PPM1L: variants seen among roughly 807,000 people sequenced by gnomAD.
The protein encoded by PPM1L is protein phosphatase 1L.
In PPM1L, 13 loss-of-function variants were observed where a neutral mutation model predicts 31.4. The observed-to-expected ratio is 0.41, with a 90% CI of 0.27 to 0.66. The LOEUF (loss-of-function observed/expected upper bound fraction) is 0.66, where lower values mean the gene tolerates loss of function less well. Among genes scored for constraint, PPM1L ranks in the 30% least tolerant of loss-of-function variants. The pLI is 0.29. For synonymous variants in PPM1L, 184 were observed against 175.4 expected, an observed-to-expected ratio of 1.05 and a Z score of -0.39; for missense variants, 326 against 453.7, an observed-to-expected ratio of 0.72 and a Z score of 2.56.
chr3:160,826,555 T>C (rs918350298), intron 1 of PPM1L, among the ~76,000 whole-genome samples: 2 of 152,186 alleles, frequency 1.3e-5, no homozygotes, highest in Non-Finnish European at 2.9e-5. Flanking sequence ...AGAATCTTTA[T>C]TCAAAGTCCA....
rs991448997 is a variant in PPM1L at position 161,070,942 on chromosome 3, C to CT, written c.*1789dup. ...AATGATTTCCCATGAGATTTGCTTA[C>CT]TTTTGTATACTGTATTTTCCAGCAT... On this transcript the variant is annotated 3_prime_UTR_variant, in exon 4 of 4. Transcript: ENST00000498165. 3 of 152,178 alleles carry CT rather than the reference C, an allele frequency of 2.0e-5. No individual in the cohort carries two copies. The highest frequency in any genetic ancestry group is 4.4e-5 in the Non-Finnish European group (3 of 68,030). 9.4% of individuals were successfully genotyped at this position (152,178 alleles called of 1,614,324 possible).
In PPM1L at chr3:160,899,724, G is replaced by A. The variant is rs552745662; in HGVS notation, c.400-62012G>A. ...GTTATTTTTATTTGTACTGCCTTTG[G>A]GTTGGAGAAAATAACTGAGTCATTA... is the stretch of plus-strand genomic sequence containing the variant. On this transcript the variant is annotated intron_variant, in intron 1 of 3. Coordinates refer to ENST00000498165, the MANE Select transcript of PPM1L (RefSeq NM_139245.4). 2.6e-5 allele frequency among the ~76,000 whole-genome samples: 4 copies of A among 152,168 alleles called. No individual in the cohort carries two copies. The East Asian group carries it at 7.7e-4, about 29-fold the overall frequency.
chr3:161,006,831 C>T (rs570533528), intron 2 of PPM1L, among the ~76,000 whole-genome samples: 46 of 151,588 alleles, frequency 3.0e-4, no homozygotes, highest in African/African-American at 1.0e-3. Context: ...CACAGGCACC[C>T]GCCACCACGC....
intron 2 of PPM1L, among the ~76,000 whole-genome samples, chr3:161,053,231 A>G (rs1719325326): frequency 6.6e-6 from 1 of 152,238 alleles, no homozygotes; most frequent in South Asian, 2.1e-4. Context: ...GTAGCATTGT[A>G]TAATCTGAAA....
At chr3:160,905,629 A>T (rs1346029555) in intron 1 of PPM1L, among the ~76,000 whole-genome samples, 1 of 152,204 alleles carries the variant, frequency 6.6e-6, no homozygotes, top group Non-Finnish European at 1.5e-5. Context: ...AGCGATTATA[A>T]CAAGTGATTT....
intron 3 of PPM1L, among the ~76,000 whole-genome samples, chr3:161,065,862 C>T (rs547872661): frequency 5.9e-5 from 9 of 152,322 alleles, no homozygotes; most frequent in Admixed American, 2.6e-4. Flanking sequence ...CTGCTTCCCT[C>T]GGAGCCACAA....
At chr3:160,778,075 T>A (rs112647660) in intron 1 of PPM1L, among the ~76,000 whole-genome samples, 5 of 152,182 alleles carry the variant, frequency 3.3e-5, no homozygotes, top group Non-Finnish European at 5.9e-5. Context: ...GGCTGTGATA[T>A]CTCATTGTGG....
intron 1 of PPM1L, among the ~76,000 whole-genome samples, chr3:160,856,213 G>A (rs1181275315): frequency 6.6e-6 from 1 of 151,640 alleles, no homozygotes; most frequent in African/African-American, 2.4e-5. Flanking sequence ...TTACACAAAT[G>A]TTGATCTCCT....
At chr3:160,763,583 GT>G (rs1262340428) in intron 1 of PPM1L, among the ~76,000 whole-genome samples, 1 of 152,236 alleles carries the variant, frequency 6.6e-6, no homozygotes, top group Non-Finnish European at 1.5e-5. Context: ...GGTGAGGAGA[GT>G]GGGAGATGCT....
chr3:160,794,537 C>T (rs768867313), intron 1 of PPM1L, among the ~76,000 whole-genome samples: 29 of 152,284 alleles, frequency 1.9e-4, no homozygotes, highest in African/African-American at 5.1e-4. Flanking sequence ...ACTCCTTTAA[C>T]GGCTCCAAGC....
chr3:160,783,918 A>G (rs1711822862), intron 1 of PPM1L, among the ~76,000 whole-genome samples: 2 of 152,208 alleles, frequency 1.3e-5, no homozygotes, highest in African/African-American at 4.8e-5. Flanking sequence ...TCTAGTAGTA[A>G]GATTTTTGAA....
In PPM1L at chr3:161,068,873, CTGGGGGA is replaced by C; in HGVS notation, c.801_807del (p.Gly268IlefsTer3). ...GGGAATCCTGGCCATGTCTCGGTCCCTGGGGGATTATCCGCTGAAAAATCTCAACGTG... is the reference window on the plus strand; with the variant it reads ...GGGAATCCTGGCCATGTCTCGGTCCCTTATCCGCTGAAAAATCTCAACGTG... On this transcript the variant is annotated frameshift_variant, in exon 4 of 4. Transcript: ENST00000498165. LOFTEE classifies it high-confidence loss of function. 6.2e-7 allele frequency: 1 copy of C among 1,614,122 alleles called. No individual in the cohort carries two copies. The highest frequency in any genetic ancestry group is 8.5e-7 in the Non-Finnish European group (1 of 1,180,018).
chr3:160,899,180 G>GCACA (rs2108052103), intron 1 of PPM1L, among the ~76,000 whole-genome samples: 2 of 152,216 alleles, frequency 1.3e-5, no homozygotes, highest in East Asian at 3.9e-4. Context: ...GTAGAAAATG[G>GCACA]CAGGGCTAAA....
intron 1 of PPM1L, among the ~76,000 whole-genome samples, chr3:160,867,247 C>A (rs953666486): frequency 9.9e-5 from 15 of 151,474 alleles, no homozygotes. Flanking sequence ...CTTAAAATGA[C>A]CTGTAGCCTT....
At chr3:161,050,276 A>G (rs1336714963) in intron 2 of PPM1L, among the ~76,000 whole-genome samples, 1 of 152,226 alleles carries the variant, frequency 6.6e-6, no homozygotes, top group Non-Finnish European at 1.5e-5. Flanking sequence ...AAATCAAACA[A>G]CTATCAAAAA....
chr3:161,048,683 A>C (rs915066265), intron 2 of PPM1L, among the ~76,000 whole-genome samples: 5 of 152,122 alleles, frequency 3.3e-5, no homozygotes, highest in Non-Finnish European at 5.9e-5. Flanking sequence ...ACCAACCCAA[A>C]TGTCCATCAA....
chr3:160,800,996 A>C (rs748069874), intron 1 of PPM1L, among the ~76,000 whole-genome samples: 1 of 152,184 alleles, frequency 6.6e-6, no homozygotes, highest in African/African-American at 2.4e-5. Flanking sequence ...ATATTACTGC[A>C]TATGAAGCCT....
At position 161,069,428 on chromosome 3, in the gene PPM1L, A is replaced by AT. The variant is rs776518028; in HGVS notation, c.*272dup. On this transcript the variant is annotated 3_prime_UTR_variant, in exon 4 of 4. Transcript: ENST00000498165. ...TAAGTAAATAGCTGTAGAGTCACAT[A>AT]TATGAAGTGAATAGCATATGTGTCA... 15 of 455,034 alleles carry AT rather than the reference A, an allele frequency of 3.3e-5. No homozygotes were observed. Among genetic ancestry groups the AT allele is most frequent in the Non-Finnish European group, 5.1e-5 (13 of 253,656 alleles). The allele number at this position is 455,034 out of a possible 1,614,324, so 28.2% of individuals were successfully genotyped here.
intron 2 of PPM1L, among the ~76,000 whole-genome samples, chr3:160,999,281 G>A (rs1215371049): frequency 4.6e-5 from 7 of 152,098 alleles, no homozygotes; most frequent in Non-Finnish European, 8.8e-5. Flanking sequence ...AAACGGCCGC[G>A]TGTGGTTTCT....
Sources: gnomAD v4.1 joint callset for allele counts (sites outside exome capture counted in the v4.1 genomes callset) on GRCh38, gnomAD v4.1.1 for gene constraint, MANE v1.5 for transcripts, NCBI Gene and HGNC (gene_info 2026-07-23, HGNC 2026-07-21) for gene names.